The following SLCO4A1 variants were observed in gnomAD, a reference collection of about 807,000 sequenced individuals.
SLCO4A1 encodes the protein colon organic anion transporter.
A neutral mutation model predicts 64.6 loss-of-function variants in SLCO4A1; 51 were observed. That is an observed-to-expected ratio of 0.79 (90% CI 0.63 to 1.00). The LOEUF is 1.00. Among genes scored for constraint, SLCO4A1 ranks in the 50% least tolerant of loss-of-function variants. The pLI, the probability that SLCO4A1 is intolerant of heterozygous loss-of-function variation, is 0.00. For missense variants in SLCO4A1, 919 were observed against 980.5 expected (o/e 0.94, Z 0.84); for synonymous variants, 471 against 444.9 (o/e 1.06, Z -0.74).
Position 62,669,061 on chromosome 20 carries a change from A to T in SLCO4A1, c.2008A>T (p.Met670Leu), listed in dbSNP as rs1986878591. The T allele has an allele frequency of 6.2e-7, 1 of 1,610,828 alleles. No homozygotes were observed. The highest frequency in any genetic ancestry group is 8.5e-7 in the Non-Finnish European group (1 of 1,179,946). Residue 670 changes from methionine (M) to leucine (L), a missense_variant, in exon 11 of 12, where the codon ATG (methionine) becomes TTG (leucine). Met to Leu is a conservative substitution (Grantham distance 15). Transcript: ENST00000217159. ...NSAMSRYILI[M>L]GLLYKVLGVL... ...GGCCATGAGCCGCTACATACTCATC[A>T]TGGGGCTCCTGTACAAGGTAAGCAG...
intron 2 of SLCO4A1, among the ~76,000 whole-genome samples, chr20:62,680,355 T>C (rs1987770810): frequency 2.0e-5 from 3 of 152,196 alleles, no homozygotes; most frequent in African/African-American, 7.2e-5. Flanking sequence ...TTTCATTTCT[T>C]TTTCTTGCCT....
chr20:62,658,036 A>T (rs1431989193), intron 2 of SLCO4A1, among the ~76,000 whole-genome samples: 1 of 151,960 alleles, frequency 6.6e-6, no homozygotes, highest in Admixed American at 6.5e-5. Context: ...GAGTTGACCC[A>T]GTGCACGGCC....
At position 62,685,585 on chromosome 20, in the gene SLCO4A1, G is replaced by C. The variant is rs558971418; in HGVS notation, n.356G>C. ...CTTCCAGAGCAGGCTTTCTCTAGAGGGTGGACTGCCTGTGTTCTCCTGGGA... is the reference window on the plus strand; with the variant it reads ...CTTCCAGAGCAGGCTTTCTCTAGAGCGTGGACTGCCTGTGTTCTCCTGGGA... On this transcript the variant is annotated non_coding_transcript_exon_variant, in exon 3 of 3. Coordinates refer to the SLCO4A1 transcript ENST00000466818. The surrounding 1 kb of genome is among the most constrained non-coding windows in gnomAD (Gnocchi z 4.6). The C allele has an allele frequency of 1.8e-4, 63 of 343,662 alleles. 1 individual carries two copies. In the South Asian group the frequency reaches 6.7e-3, roughly 36 times the overall value. 21.3% of individuals were successfully genotyped at this position (343,662 alleles called of 1,614,324 possible).
At chr20:62,662,968 A>T (rs538653362) in intron 5 of SLCO4A1, 2 of 152,320 alleles carry the variant, frequency 1.3e-5, no homozygotes, top group African/African-American at 4.8e-5. Flanking sequence ...CTTTTTCAAG[A>T]CGTGGGACCC....
chr20:62,658,667 T>C lies in SLCO4A1; in HGVS notation c.797-10T>C, dbSNP rs1360334394. 1 of 1,606,710 alleles carries C rather than the reference T, an allele frequency of 6.2e-7. No individual in the cohort carries two copies. The highest frequency in any genetic ancestry group is 8.5e-7 in the Non-Finnish European group (1 of 1,177,116). On this transcript the variant is annotated splice_polypyrimidine_tract_variant and intron_variant, in intron 2 of 11. Transcript: ENST00000217159. ...GCACAGCGGCCCTGACGCCTCTGCC[T>C]CTCTCGCAGCCATCTTCTACACAGC...
intron 1 of SLCO4A1, among the ~76,000 whole-genome samples, chr20:62,647,612 T>C (rs1351245270): frequency 6.6e-6 from 1 of 152,240 alleles, no homozygotes; most frequent in Non-Finnish European, 1.5e-5. Flanking sequence ...AAGCTTAAAA[T>C]AGTTTTCTCA....
At chr20:62,667,587 G>A in intron 7 of SLCO4A1, 158 bp from the exon 8 acceptor site, 1 of 796,564 alleles carries the variant, frequency 1.3e-6, no homozygotes, top group Non-Finnish European at 2.0e-6. Flanking sequence ...AGTGCCCAGT[G>A]TGAGTGCCCA....
chr20:62,673,639 G>A (rs112602508), downstream of SLCO4A1, among the ~76,000 whole-genome samples: 527 of 144,670 alleles, frequency 3.6e-3, 47 homozygotes, highest in African/African-American at 0.012. Context: ...TCTTCTCAAG[G>A]GCTGCCCTGG....
intron 6 of SLCO4A1, 129 bp from the exon 7 acceptor site, chr20:62,666,251 C>T: frequency 2.8e-6 from 2 of 725,816 alleles, no homozygotes; most frequent in Non-Finnish European, 4.6e-6. Flanking sequence ...TGAGTGCTGC[C>T]ATGCAGGCAG....
chr20:62,667,845 A>G lies in SLCO4A1; in HGVS notation c.1573A>G (p.Met525Val), dbSNP rs1452987565. 2.5e-6 allele frequency: 4 copies of G among 1,613,580 alleles called. No individual in the cohort carries two copies. Among genetic ancestry groups the G allele is most frequent in the Non-Finnish European group, 3.4e-6 (4 of 1,180,026 alleles). ...YSPVCGSDGL[M>V]YFSLCHAGCP... ...CCCTGTGTGCGGCTCGGACGGCCTC[A>G]TGTACTTCTCACTGTGCCACGCAGG... The change falls in exon 8 of 12, where the codon ATG becomes GTG. Residue 525 changes from methionine (M) to valine (V), a missense_variant. Physicochemically the swap from Met to Val is conservative, Grantham distance 21 (BLOSUM62 1). Transcript: ENST00000217159.
chr20:62,657,703 G>A (rs1273187317), intron 2 of SLCO4A1, among the ~76,000 whole-genome samples: 3 of 152,236 alleles, frequency 2.0e-5, no homozygotes, highest in African/African-American at 7.2e-5. Context: ...AAAGCACCAT[G>A]TTGGCTCCAT....
chr20:62,672,392 G>A (rs1987339820), downstream of SLCO4A1: 1 of 603,070 alleles, frequency 1.7e-6, no homozygotes, highest in East Asian at 1.4e-4. Flanking sequence ...GGAATCCGTG[G>A]ATATGAAAAG....
chr20:62,646,552 A>G (rs779059093), intron 1 of SLCO4A1, among the ~76,000 whole-genome samples: 8 of 152,268 alleles, frequency 5.3e-5, no homozygotes, highest in Non-Finnish European at 5.9e-5. Flanking sequence ...CACCCCAGCC[A>G]TGGAAGGAGG....
At position 62,660,920 on chromosome 20, in the gene SLCO4A1, G is replaced by A. The variant is rs6011474; in HGVS notation, c.1010-144G>A. 4.2e-3 allele frequency: 2,626 copies of A among 632,566 alleles called. 43 individuals are homozygous for A. The highest frequency in any genetic ancestry group is 0.04 in the African/African-American group (2,205 of 54,616). The allele number at this position is 632,566 out of a possible 1,614,324, so 39.2% of individuals were successfully genotyped here. A position where few individuals can be genotyped will look rare whatever the true frequency, so the allele number is the denominator to read the frequency against. ...GTTTCTGTTCCAGTGCCGCCTCCCC[G>A]GGGCTGCGAGGGCTGCAGGGATGTC... On this transcript the variant is annotated intron_variant, in intron 4 of 11. Coordinates refer to ENST00000217159, the MANE Select transcript of SLCO4A1 (RefSeq NM_016354.4).
chr20:62,667,713 G>T, intron 7 of SLCO4A1, 32 bp from the exon 8 acceptor site: 2 of 1,591,390 alleles, frequency 1.3e-6, no homozygotes, highest in Non-Finnish European at 1.7e-6. Context: ...CTCTGGCCTG[G>T]ACCCTACCAC....
In SLCO4A1 at chr20:62,671,294, G is replaced by A. The variant is rs532969558; in HGVS notation, c.2026-456G>A. On this transcript the variant is annotated intron_variant, in intron 11 of 11. Transcript: ENST00000217159. ...GGGGGCAGGGCGGGCTCCTTCCGCC[G>A]CTCTGGCTCTCTGCAGCTGCATGTG... Among the ~76,000 whole-genome samples, 10 of 152,254 alleles carry A rather than the reference G, an allele frequency of 6.6e-5. No individual in the cohort carries two copies. In the South Asian group the frequency reaches 1.5e-3, roughly 22 times the overall value.
At chr20:62,652,874 G>A (rs1982857629) in intron 1 of SLCO4A1, among the ~76,000 whole-genome samples, 1 of 152,228 alleles carries the variant, frequency 6.6e-6, no homozygotes, top group African/African-American at 2.4e-5. Context: ...GGCTGCACGT[G>A]AGTGCCACAC....
downstream of SLCO4A1, among the ~76,000 whole-genome samples, chr20:62,675,744 G>A (rs1987560454): frequency 6.6e-6 from 1 of 152,218 alleles, no homozygotes; most frequent in South Asian, 2.1e-4. Context: ...CAGCCTGGTG[G>A]GCACATGGGC....
At chr20:62,686,549 G>T (rs372371440), downstream of SLCO4A1, among the ~76,000 whole-genome samples, 48 of 152,316 alleles carry the variant, frequency 3.2e-4, no homozygotes, top group East Asian at 8.1e-3. Flanking sequence ...GAGCCCCCGA[G>T]GGCCCTCTGA....
Sources: gnomAD v4.1 joint callset for allele counts (sites outside exome capture counted in the v4.1 genomes callset) on GRCh38, gnomAD v4.1.1 for gene constraint, Gnocchi (gnomAD v3.1) non-coding constraint, MANE v1.5 for transcripts, NCBI Gene and HGNC (gene_info 2026-07-23, HGNC 2026-07-21) for gene names.